Variants in LBH observed in about 807,000 individuals in gnomAD.
LBH encodes the protein LBH regulator of Wnt signaling pathway.
A neutral mutation model predicts 12.5 loss-of-function variants in LBH; 7 were observed. The ratio of observed to expected loss-of-function variants is 0.56; its 90% CI spans 0.32 to 1.05. The LOEUF is 1.05. Among genes scored for constraint, LBH ranks in the 50% least tolerant of loss-of-function variants. The pLI is 0.04. For missense variants in LBH, 119 were observed against 138.9 expected (o/e 0.86, Z 0.72); for synonymous variants, 51 against 50.1 (o/e 1.02, Z -0.08).
intron 2 of LBH, among the ~76,000 whole-genome samples, chr2:30,245,357 T>C (rs1211289106): frequency 6.6e-6 from 1 of 152,228 alleles, no homozygotes; most frequent in East Asian, 1.9e-4. Context: ...ATGTATAATA[T>C]ATCAGGGATT....
chr2:30,232,152 T>C lies in LBH; in HGVS notation c.26+388T>C, dbSNP rs780804476. On this transcript the variant is annotated intron_variant, in intron 1 of 2. Transcript: ENST00000395323. The stretch of plus-strand genomic sequence containing the variant: ...TCTTCCCGGGCCCCTCCTCTTTTTC[T>C]TTTTGTTTGCATGCAAGTCTCAACG... 13 of 1,539,904 alleles carry C rather than the reference T, an allele frequency of 8.4e-6. No individual in the cohort carries two copies. In the South Asian group the frequency reaches 1.4e-4, roughly 17 times the overall value.
intron 1 of LBH, chr2:30,232,254 A>C: frequency 6.6e-7 from 1 of 1,504,240 alleles, no homozygotes; most frequent in Non-Finnish European, 8.9e-7. Flanking sequence ...GGGGCGGGAA[A>C]CGCTCTCCCC....
Position 30,234,496 on chromosome 2 carries a change from C to A in LBH, c.118C>A (p.Leu40Ile). Residue 40 changes from leucine (L) to isoleucine (I), a missense_variant, in exon 2 of 3, where the codon CTT becomes ATT. Coordinates refer to ENST00000395323, the MANE Select transcript of LBH (RefSeq NM_030915.4). ...CGGCCTCAGCCCCCGCAAGGATGGC[C>A]TTTCCTACCAGGTGAGTAAGTCCTG... The part of the protein sequence containing the change: ...EIGLSPRKDG[L>I]SYQIFPDPSD... 1 of 1,613,068 alleles carries A rather than the reference C, an allele frequency of 6.2e-7. No homozygotes were observed. The highest frequency in any genetic ancestry group is 8.5e-7 in the Non-Finnish European group (1 of 1,179,010).
intron 2 of LBH, among the ~76,000 whole-genome samples, chr2:30,235,767 A>C (rs1007034058): frequency 2.6e-5 from 4 of 152,174 alleles, no homozygotes; most frequent in African/African-American, 7.2e-5. Flanking sequence ...AGATAGAACC[A>C]AGCTAAAAGT....
intron 2 of LBH, among the ~76,000 whole-genome samples, chr2:30,238,218 C>T (rs558434972): frequency 1.1e-4 from 17 of 152,316 alleles, no homozygotes; most frequent in Admixed American, 2.0e-4. Flanking sequence ...CTCCACCCAA[C>T]GGCACTGGGA....
chr2:30,245,640 G>A (rs145930342), intron 2 of LBH, among the ~76,000 whole-genome samples: 4 of 152,230 alleles, frequency 2.6e-5, no homozygotes, highest in African/African-American at 7.2e-5. Context: ...TTAAGAATCC[G>A]GATAACTGGT....
At chr2:30,250,300 C>T (rs1238171680) in intron 2 of LBH, among the ~76,000 whole-genome samples, 1 of 152,006 alleles carries the variant, frequency 6.6e-6, no homozygotes, top group East Asian at 1.9e-4. Context: ...TTCCTCTTTC[C>T]TCTTTCCACC....
chr2:30,235,361 G>A (rs1396600625), intron 2 of LBH, among the ~76,000 whole-genome samples: 2 of 152,138 alleles, frequency 1.3e-5, no homozygotes, highest in South Asian at 2.1e-4. Context: ...GGGAAGTTGT[G>A]TAGGATGGCC....
chr2:30,243,014 G>T (rs1572379432), intron 2 of LBH, among the ~76,000 whole-genome samples: 1 of 152,170 alleles, frequency 6.6e-6, no homozygotes, highest in South Asian at 2.1e-4. Flanking sequence ...TAAGCTCCCA[G>T]CATTGAAAGC....
chr2:30,239,383 A>C (rs1677747167), intron 2 of LBH, among the ~76,000 whole-genome samples: 1 of 151,564 alleles, frequency 6.6e-6, no homozygotes, highest in African/African-American at 2.4e-5. Flanking sequence ...TAACGCATCC[A>C]CTCTATCCGC....
Position 30,258,907 on chromosome 2 carries a change from A to G in LBH, c.*1286A>G, listed in dbSNP as rs1678134800. 1.3e-5 allele frequency: 2 copies of G among 152,206 alleles called. No individual in the cohort carries two copies. Among genetic ancestry groups the G allele is most frequent in the South Asian group, 2.1e-4 (1 of 4,816 alleles). 9.4% of individuals were successfully genotyped at this position (152,206 alleles called of 1,614,324 possible). On this transcript the variant is annotated 3_prime_UTR_variant, in exon 3 of 3. Coordinates refer to ENST00000395323, the MANE Select transcript of LBH (RefSeq NM_030915.4). Reference sequence around the variant, plus strand: ...AAGGGACCTCTGCTGTCCTTACTCAACAGTGGTCCTCATCCCTCCCCACCT... The same window carrying G: ...AAGGGACCTCTGCTGTCCTTACTCAGCAGTGGTCCTCATCCCTCCCCACCT...
intron 1 of LBH, 121 bp downstream of exon 1, chr2:30,231,885 C>T: frequency 1.2e-6 from 1 of 864,554 alleles, no homozygotes. Context: ...CAGCGCTAAC[C>T]CGCCGCCCGA....
intron 2 of LBH, among the ~76,000 whole-genome samples, chr2:30,235,921 G>A (rs1191476437): frequency 3.3e-5 from 5 of 152,072 alleles, no homozygotes; most frequent in South Asian, 2.1e-4. Flanking sequence ...TCTTTGCTAC[G>A]TTTGACTTTT....
chr2:30,233,350 G>A (rs1677626377), intron 1 of LBH, among the ~76,000 whole-genome samples: 1 of 152,208 alleles, frequency 6.6e-6, no homozygotes, highest in African/African-American at 2.4e-5. Flanking sequence ...TTCTTGAGGG[G>A]CAGAGCCTAG....
chr2:30,255,377 C>G (rs768620208), intron 2 of LBH, among the ~76,000 whole-genome samples: 21 of 138,810 alleles, frequency 1.5e-4, no homozygotes, highest in Non-Finnish European at 3.0e-4. Context: ...GAAGACAGAG[C>G]CCAGAGTCGG....
Position 30,257,816 on chromosome 2 carries a change from G to C in LBH, c.*195G>C. On this transcript the variant is annotated 3_prime_UTR_variant, in exon 3 of 3. Transcript: ENST00000395323. ...TTTTTTTTTTTTTGAAATTTGCCGAGCAGTGGAGCCCTCTGACAATTTGCA... is the reference window on the plus strand; with the variant it reads ...TTTTTTTTTTTTTGAAATTTGCCGACCAGTGGAGCCCTCTGACAATTTGCA... 2.3e-6 allele frequency: 1 copy of C among 435,494 alleles called. No individual in the cohort carries two copies. Among genetic ancestry groups the C allele is most frequent in the Non-Finnish European group, 3.9e-6 (1 of 256,490 alleles). The allele number at this position is 435,494 out of a possible 1,614,324, so 27.0% of individuals were successfully genotyped here.
chr2:30,240,113 A>C (rs1473591), intron 2 of LBH, among the ~76,000 whole-genome samples: 35,418 of 152,164 alleles, frequency 0.23, 5,250 homozygotes, highest in East Asian at 0.55. Flanking sequence ...GCTGTGTCTT[A>C]GGCTGCTCTT....
chr2:30,236,781 C>A (rs1677695157), intron 2 of LBH, among the ~76,000 whole-genome samples: 1 of 152,170 alleles, frequency 6.6e-6, no homozygotes, highest in Non-Finnish European at 1.5e-5. Flanking sequence ...TGAGTCCAGG[C>A]ATCGACAGCA....
intron 2 of LBH, among the ~76,000 whole-genome samples, chr2:30,249,787 A>G (rs1677946634): frequency 6.6e-6 from 1 of 152,192 alleles, no homozygotes; most frequent in Non-Finnish European, 1.5e-5. Flanking sequence ...CCTAGTAAGA[A>G]CCATCATTAG....
Sources: allele counts gnomAD v4.1 joint callset (sites outside exome capture counted in the v4.1 genomes callset), GRCh38; gene constraint gnomAD v4.1.1; transcripts MANE v1.5; gene names NCBI Gene and HGNC (gene_info 2026-07-23, HGNC 2026-07-21).